Variants in PARP10 observed in about 807,000 individuals in gnomAD.
The protein encoded by PARP10 is protein mono-ADP-ribosyltransferase PARP10.
PARP10 carries 56 observed loss-of-function variants against 82.4 expected under a neutral mutation model. That is an observed-to-expected ratio of 0.68 (90% confidence interval 0.55 to 0.85). The LOEUF is 0.85. Ranked by LOEUF, PARP10 falls within the 40% of genes least tolerant of loss-of-function variation. The probability of loss-of-function intolerance (pLI) is 0.00; values close to 1 mark genes in which losing one functional copy is unlikely to be tolerated. For synonymous variants in PARP10, 576 were observed against 601.1 expected (o/e 0.96, Z 0.61); for missense variants, 1,227 against 1,379.4 (o/e 0.89, Z 1.75).
At chr8:143,980,185 TGGC>T (rs1481210680) in intron 9 of PARP10, among the ~76,000 whole-genome samples, 1 of 150,548 alleles carries the variant, frequency 6.6e-6, no homozygotes, top group African/African-American at 2.4e-5. Flanking sequence ...CTGGGCGTGG[TGGC>T]AGGCGCCTGT....
upstream of PARP10, chr8:143,991,936 C>T (rs1004071190): frequency 6.2e-7 from 1 of 1,613,856 alleles, no homozygotes. Flanking sequence ...TCTGTGTTCA[C>T]TTTTGTTGCG....
upstream of PARP10, among the ~76,000 whole-genome samples, chr8:143,994,690 G>A (rs574807119): frequency 1.3e-5 from 2 of 152,118 alleles, no homozygotes; most frequent in Non-Finnish European, 2.9e-5. Context: ...TCCCAGCCAC[G>A]AGGGCACCTC....
At chr8:143,987,431 C>T (rs782406165), upstream of PARP10, among the ~76,000 whole-genome samples, 1 of 152,230 alleles carries the variant, frequency 6.6e-6, no homozygotes, top group African/African-American at 2.4e-5. Context: ...TCTGCTGCCC[C>T]GACCCTGGTC....
At chr8:143,999,508 A>G (rs539318485) in intron 1 of PARP10, among the ~76,000 whole-genome samples, 1 of 151,926 alleles carries the variant, frequency 6.6e-6, no homozygotes, top group Non-Finnish European at 1.5e-5. Context: ...TCAGCTTAAT[A>G]TTTTATTTTT....
chr8:143,983,799 T>C lies in PARP10; in HGVS notation c.1790A>G (p.Glu597Gly), dbSNP rs1388859939. Reference sequence around the variant, plus strand: ...TAGGCCCTCCAGGGTGGCCAGCAGTTCTCGGACCTCCTCTGGGGGCAGGGA... The same window carrying C: ...TAGGCCCTCCAGGGTGGCCAGCAGTCCTCGGACCTCCTCTGGGGGCAGGGA... ...QEDVSLEEVRELLATLEGLDL... is the reference protein window; with the variant it reads ...QEDVSLEEVRGLLATLEGLDL... The change falls in exon 8 of 11, where the codon GAA becomes GGA. Residue 597 changes from glutamate to glycine, a missense_variant. Coordinates refer to ENST00000313028, the MANE Select transcript of PARP10 (RefSeq NM_032789.5). 2 of 1,588,082 alleles carry C rather than the reference T, an allele frequency of 1.3e-6. No homozygotes were observed. The highest frequency in any genetic ancestry group is 1.7e-6 in the Non-Finnish European group (2 of 1,164,732).
At chr8:143,992,681 G>A, upstream of PARP10, 1 of 1,613,944 alleles carries the variant, frequency 6.2e-7, no homozygotes, top group Non-Finnish European at 8.5e-7. Context: ...CCACTGTGCT[G>A]TCACCTCCAG....
In PARP10 at chr8:143,980,318, T is replaced by TAAAAAAAAAAA. The variant is rs1564247548; in HGVS notation, c.2557-2238_2557-2237insTTTTTTTTTTT. Among the ~76,000 whole-genome samples, 101 of 15,672 alleles carry TAAAAAAAAAAA rather than the reference T, an allele frequency of 6.4e-3. 7 individuals are homozygous for TAAAAAAAAAAA. The highest frequency in any genetic ancestry group is 0.013 in the African/African-American group (93 of 7,184). 10.3% of individuals were successfully genotyped at this position (15,672 alleles called of 152,430 possible). ...CTGGGCTACTGAGTGAGATTCCGTC[T>TAAAAAAAAAAA]CAAAAAAAAAAAAAAAAAAAAAAAA... On this transcript the variant is annotated intron_variant, in intron 9 of 10. Coordinates refer to ENST00000313028, the MANE Select transcript of PARP10 (RefSeq NM_032789.5).
Position 143,984,842 on chromosome 8 carries a change from G to A in PARP10, c.1160C>T (p.Pro387Leu), listed in dbSNP as rs1554748814. The A allele has an allele frequency of 6.2e-7, 1 of 1,612,548 alleles. No homozygotes were observed. Among genetic ancestry groups the A allele is most frequent in the Non-Finnish European group, 8.5e-7 (1 of 1,179,002 alleles). The change falls in exon 5 of 11, where the codon CCA (proline) becomes CTA (leucine). Residue 387 changes from proline (P) to leucine (L), a missense_variant. Transcript: ENST00000313028. ...MSLGPVGSAG[P>L]VETSKGLLGQ... Reference sequence around the variant, plus strand: ...CAGCAACCCCTTAGAGGTCTCCACTGGGCCTGCAGACCCCACAGGCCCCAG... The same window carrying A: ...CAGCAACCCCTTAGAGGTCTCCACTAGGCCTGCAGACCCCACAGGCCCCAG...
chr8:144,002,417 G>C (rs1159954496), intron 1 of PARP10, among the ~76,000 whole-genome samples: 2 of 152,138 alleles, frequency 1.3e-5, no homozygotes, highest in African/African-American at 4.8e-5. Context: ...AATTCAATAA[G>C]CTGATTCTAA....
chr8:143,985,719 A>C lies in PARP10; in HGVS notation c.436+2T>G. 3.7e-6 allele frequency: 6 copies of C among 1,603,432 alleles called. No homozygotes were observed. The highest frequency in any genetic ancestry group is 4.3e-6 in the Non-Finnish European group (5 of 1,173,530). ...CACCTCAACCCCAACCCTGCCTCTC[A>C]CCTGCCTCAGAAAGGGGCTTGGGCA... is the stretch of plus-strand genomic sequence containing the variant. On this transcript the variant is annotated splice_donor_variant, in intron 3 of 10. Coordinates refer to ENST00000313028, the MANE Select transcript of PARP10 (RefSeq NM_032789.5). LOFTEE classifies it high-confidence loss of function.
intron 1 of PARP10, among the ~76,000 whole-genome samples, chr8:144,006,740 C>G (rs1554752097): frequency 6.6e-6 from 1 of 152,220 alleles, no homozygotes; most frequent in Non-Finnish European, 1.5e-5. Context: ...CTTCCTCTCT[C>G]TCCACTCCAC....
At chr8:143,982,515 C>T (rs1016003849) in intron 9 of PARP10, among the ~76,000 whole-genome samples, 1 of 152,192 alleles carries the variant, frequency 6.6e-6, no homozygotes, top group Non-Finnish European at 1.5e-5. Flanking sequence ...GCACAGTGAC[C>T]GCAGCGAGCC....
upstream of PARP10, chr8:143,992,160 G>A (rs782500571): frequency 6.2e-7 from 1 of 1,603,198 alleles, no homozygotes; most frequent in East Asian, 2.2e-5. Context: ...GGTCACCGTG[G>A]TTCTCCTTGT....
chr8:143,983,173 G>C lies in PARP10; in HGVS notation c.2416C>G (p.Pro806Ala), dbSNP rs374217733. ...SLAFPLAASG[P>A]TLAGQTLKGP... ...GTCCAGGAGGTAGACTCACAGGTAG[G>C]GCCTGAAGCTGCCAAGGGAAAGGCC... is the stretch of plus-strand genomic sequence containing the variant. The change falls in exon 8 of 11, where the codon CCT (proline) becomes GCT (alanine). Residue 806 changes from proline (P) to alanine (A), a missense_variant. Pro to Ala is a conservative substitution (Grantham distance 27, BLOSUM62 -1). Transcript: ENST00000313028. 6 of 1,613,242 alleles carry C rather than the reference G, an allele frequency of 3.7e-6. No individual in the cohort carries two copies. The highest frequency in any genetic ancestry group is 5.1e-6 in the Non-Finnish European group (6 of 1,179,680).
chr8:143,985,992 G>A lies in PARP10; in HGVS notation c.182-17C>T, dbSNP rs781823100. ...TCTCGGCGTCTGTGGGCAGGGGCGG[G>A]GCAGGATGTCAGGCATTAGAATATC... On this transcript the variant is annotated splice_polypyrimidine_tract_variant and intron_variant, in intron 2 of 10. Transcript: ENST00000313028. 2.5e-6 allele frequency: 4 copies of A among 1,597,840 alleles called. No individual in the cohort carries two copies. The Admixed American group carries it at 5.0e-5, about 20-fold the overall frequency.
chr8:143,991,157 C>T (rs1355082893), upstream of PARP10: 3 of 1,149,676 alleles, frequency 2.6e-6, no homozygotes, highest in Non-Finnish European at 3.7e-6. Context: ...CCGACGCTGT[C>T]GTCAAGCCAA....
upstream of PARP10, chr8:143,993,259 C>T: frequency 4.2e-6 from 1 of 236,730 alleles, no homozygotes; most frequent in Non-Finnish European, 8.4e-6. Flanking sequence ...TCCCCCCCAC[C>T]CCCCTGGAGT....
intron 9 of PARP10, among the ~76,000 whole-genome samples, chr8:143,978,301 T>G (rs1184078207): frequency 1.3e-5 from 2 of 152,050 alleles, no homozygotes; most frequent in Non-Finnish European, 2.9e-5. Flanking sequence ...CCCCTCCCCC[T>G]CCCGTGGAGG....
intron 1 of PARP10, among the ~76,000 whole-genome samples, chr8:144,007,579 A>G: frequency 6.6e-6 from 1 of 152,174 alleles, no homozygotes; most frequent in East Asian, 1.9e-4. Flanking sequence ...GAGCTCTGGG[A>G]TGCAGAGCAG....
Sources: allele counts gnomAD v4.1 joint callset (sites outside exome capture counted in the v4.1 genomes callset), GRCh38; gene constraint gnomAD v4.1.1; transcripts MANE v1.5; gene names NCBI Gene and HGNC (gene_info 2026-07-23, HGNC 2026-07-21).